The following CERT1 variants were observed in gnomAD, a reference collection of about 807,000 sequenced individuals.
CERT1 encodes the protein ceramide transfer protein.
A neutral mutation model predicts 87.9 loss-of-function variants in CERT1; 31 were observed. The observed-to-expected ratio is 0.35, with a 90% CI of 0.27 to 0.48. The LOEUF is 0.48. CERT1 is among the 20% of genes least tolerant of loss of function. CERT1 has a pLI of 0.99. For missense variants in CERT1, 487 were observed against 758.0 expected (o/e 0.64, Z 4.20); for synonymous variants, 289 against 250.9 (o/e 1.15, Z -1.44).
At chr5:75,400,098 C>T in intron 10 of CERT1, 107 bp downstream of exon 10, 1 of 819,514 alleles carries the variant, frequency 1.2e-6, no homozygotes, top group Non-Finnish European at 2.0e-6. Flanking sequence ...CGCCACTGCA[C>T]TCCACTCTGG....
At chr5:75,457,525 G>A (rs1048192955) in intron 3 of CERT1, among the ~76,000 whole-genome samples, 6 of 151,810 alleles carry the variant, frequency 4.0e-5, no homozygotes, top group Non-Finnish European at 7.4e-5. Flanking sequence ...CTTTTCTGAA[G>A]TAACATTACC....
upstream of CERT1, chr5:75,511,793 CAGG>C (rs1186244152): frequency 5.0e-5 from 77 of 1,551,508 alleles, no homozygotes; most frequent in East Asian, 1.8e-3. Context: ...GGTAGAAAAG[CAGG>C]AGGAGCGGAG....
chr5:75,402,478 A>G (rs1762533365), intron 9 of CERT1: 1 of 152,200 alleles, frequency 6.6e-6, no homozygotes, highest in African/African-American at 2.4e-5. Context: ...TTGGAAATTC[A>G]CATATAAAGG....
intron 2 of CERT1, among the ~76,000 whole-genome samples, chr5:75,464,072 G>C (rs147671639): frequency 6.1e-4 from 93 of 152,196 alleles, no homozygotes; most frequent in Non-Finnish European, 1.1e-3. Context: ...TCAAGTGCTA[G>C]GTTTATGCAA....
chr5:75,482,081 C>A (rs1766272273), intron 2 of CERT1, among the ~76,000 whole-genome samples: 3 of 152,060 alleles, frequency 2.0e-5, no homozygotes, highest in Admixed American at 2.0e-4. Flanking sequence ...TACTTCTTTC[C>A]TGGGATAGAG....
intron 2 of CERT1, among the ~76,000 whole-genome samples, chr5:75,472,118 T>C (rs903398011): frequency 2.0e-5 from 3 of 151,978 alleles, no homozygotes; most frequent in African/African-American, 7.3e-5. Context: ...CAGAAATAAA[T>C]CCATGCATTT....
intron 11 of CERT1, among the ~76,000 whole-genome samples, chr5:75,396,479 C>A (rs568776874): frequency 6.6e-6 from 1 of 152,006 alleles, no homozygotes; most frequent in Admixed American, 6.6e-5. Context: ...GTAATCCCAG[C>A]ACTTTGGGAG....
chr5:75,487,499 G>A (rs183881222), intron 2 of CERT1, among the ~76,000 whole-genome samples: 1 of 151,900 alleles, frequency 6.6e-6, no homozygotes, highest in Admixed American at 6.6e-5. Flanking sequence ...AAGTTAAAAG[G>A]CGTCTCTACA....
rs1040135463 is a variant in CERT1 at position 75,379,143 on chromosome 5, T to C, written c.*203A>G. ...GTTGCAGTGAGCCGTGATGGTGTCA[T>C]TGCACTTCAGCTTAGGAAACAGAGC... On this transcript the variant is annotated 3_prime_UTR_variant, in exon 17 of 17. Coordinates refer to ENST00000643780, the MANE Select transcript of CERT1 (RefSeq NM_001379029.1). The C allele has an allele frequency of 1.0e-4, 53 of 511,012 alleles. No individual in the cohort carries two copies. Among genetic ancestry groups the C allele is most frequent in the African/African-American group, 3.5e-4 (18 of 51,870 alleles). 31.7% of individuals were successfully genotyped at this position (511,012 alleles called of 1,614,324 possible).
At chr5:75,437,804 T>C (rs995143929) in intron 3 of CERT1, among the ~76,000 whole-genome samples, 1 of 149,714 alleles carries the variant, frequency 6.7e-6, no homozygotes, top group Non-Finnish European at 1.5e-5. Flanking sequence ...GAAAAGATAG[T>C]ATACTCATGA....
At chr5:75,504,704 C>G (rs1283564757) in intron 2 of CERT1, among the ~76,000 whole-genome samples, 2 of 151,216 alleles carry the variant, frequency 1.3e-5, no homozygotes, top group Non-Finnish European at 2.9e-5. Flanking sequence ...TTAACTACAA[C>G]AGCTCCCTTA....
In CERT1 at chr5:75,398,880, A is replaced by G. The variant is rs1001597690; in HGVS notation, c.1188+430T>C. On this transcript the variant is annotated intron_variant, in intron 11 of 16. Transcript: ENST00000643780. ...ATAATGGAAATGAAACATATTATTA[A>G]AAAGTGATTTCCTTGTTGAATATAA... Among the ~76,000 whole-genome samples the G allele has an allele frequency of 3.8e-4, 58 of 152,360 alleles. 1 individual carries two copies. The highest frequency in any genetic ancestry group is 1.2e-3 in the African/African-American group (48 of 41,596).
chr5:75,379,442 C>T lies in CERT1; in HGVS notation c.1779G>A (p.Val593=), dbSNP rs753368457. The T allele has an allele frequency of 6.2e-7, 1 of 1,613,936 alleles. No homozygotes were observed. The highest frequency in any genetic ancestry group is 8.5e-7 in the Non-Finnish European group (1 of 1,179,886). Residue 593 remains valine (V), a synonymous_variant, in exon 17 of 17, where the codon GTG becomes GTA. Transcript: ENST00000643780. The part of the protein sequence containing the change: ...VNPGGWAPAS[V]LRAVAKREYP... The stretch of plus-strand genomic sequence containing the variant: ...ACTCTCGCTTTGCCACTGCCCTTAA[C>T]ACTGAGGCTGGTGCCCATCCTCCAG...
At chr5:75,383,772 C>T (rs1416864929) in intron 14 of CERT1, among the ~76,000 whole-genome samples, 3 of 150,888 alleles carry the variant, frequency 2.0e-5, no homozygotes, top group African/African-American at 7.3e-5. Context: ...TAAATCATTA[C>T]ATTTCTTTTA....
chr5:75,450,377 A>C (rs1214003382), intron 3 of CERT1, among the ~76,000 whole-genome samples: 1 of 152,196 alleles, frequency 6.6e-6, no homozygotes, highest in Non-Finnish European at 1.5e-5. Flanking sequence ...TATAGCTTCC[A>C]ACCTGACTCT....
At chr5:75,497,891 C>G (rs1158135131) in intron 2 of CERT1, among the ~76,000 whole-genome samples, 1 of 152,062 alleles carries the variant, frequency 6.6e-6, no homozygotes, top group Non-Finnish European at 1.5e-5. Flanking sequence ...GAGGCTGGAA[C>G]AGTTTGGAGG....
chr5:75,403,300 A>G (rs777186717), intron 8 of CERT1, among the ~76,000 whole-genome samples: 1 of 152,252 alleles, frequency 6.6e-6, no homozygotes, highest in Admixed American at 6.5e-5. Context: ...TGTTGGGATA[A>G]TAGTCTAGAG....
At chr5:75,494,196 G>A (rs1011088165) in intron 2 of CERT1, among the ~76,000 whole-genome samples, 19 of 152,114 alleles carry the variant, frequency 1.2e-4, no homozygotes, top group Non-Finnish European at 4.4e-5. Context: ...GAAACCCAAA[G>A]GCTGTACTTT....
chr5:75,489,058 C>T (rs1256133194), intron 2 of CERT1, among the ~76,000 whole-genome samples: 1 of 152,044 alleles, frequency 6.6e-6, no homozygotes, highest in African/African-American at 2.4e-5. Context: ...GATATATAGA[C>T]CAGAACAGAA....
Sources: allele counts gnomAD v4.1 joint callset (sites outside exome capture counted in the v4.1 genomes callset), GRCh38; gene constraint gnomAD v4.1.1; transcripts MANE v1.5; gene names NCBI Gene and HGNC (gene_info 2026-07-23, HGNC 2026-07-21).